LDB2: variants seen among roughly 807,000 people sequenced by gnomAD.
The protein encoded by LDB2 is LIM domain-binding protein 2.
In LDB2, 12 loss-of-function variants were observed where a neutral mutation model predicts 44.3. The ratio of observed to expected loss-of-function variants is 0.27; its 90% CI spans 0.17 to 0.44. The LOEUF (loss-of-function observed/expected upper bound fraction) is 0.44. Among genes scored for constraint, LDB2 ranks in the 20% least tolerant of loss-of-function variants. The pLI is 1.00. For missense variants in LDB2, 344 were observed against 473.5 expected, an observed-to-expected ratio of 0.73 and a Z score of 2.54; for synonymous variants, 164 against 174.8, an observed-to-expected ratio of 0.94 and a Z score of 0.49.
intron 3 of LDB2, among the ~76,000 whole-genome samples, chr4:16,589,590 T>C (rs940259046): frequency 6.6e-6 from 1 of 152,214 alleles, no homozygotes; most frequent in African/African-American, 2.4e-5. Flanking sequence ...TTGATATTCA[T>C]AGCATTTTTA....
At chr4:16,701,250 G>T (rs1190647464) in intron 2 of LDB2, among the ~76,000 whole-genome samples, 1 of 152,172 alleles carries the variant, frequency 6.6e-6, no homozygotes, top group Non-Finnish European at 1.5e-5. Context: ...AGATATCAGT[G>T]CTCAATAGAT....
intron 3 of LDB2, among the ~76,000 whole-genome samples, chr4:16,592,607 C>A (rs958609140): frequency 4.0e-5 from 6 of 150,940 alleles, no homozygotes; most frequent in African/African-American, 1.5e-4. Context: ...ATGTAGTATA[C>A]AGGCTAAGGT....
intron 2 of LDB2, among the ~76,000 whole-genome samples, chr4:16,720,390 C>T (rs1380492228): frequency 1.3e-5 from 2 of 152,144 alleles, no homozygotes; most frequent in Non-Finnish European, 2.9e-5. Flanking sequence ...CCAGCTCGCT[C>T]ATCTCCATTG....
Position 16,609,010 on chromosome 4 carries a change from G to A in LDB2, c.236-13135C>T, listed in dbSNP as rs530420239. Among the ~76,000 whole-genome samples, 23 of 152,290 alleles carry A rather than the reference G, an allele frequency of 1.5e-4. No homozygotes were observed. In the South Asian group the frequency reaches 4.8e-3, roughly 32 times the overall value. On this transcript the variant is annotated intron_variant, in intron 2 of 7. Coordinates refer to ENST00000304523, the MANE Select transcript of LDB2 (RefSeq NM_001290.5). ...TTCGGAGGCTCCCATAGAAAAAACC[G>A]TAATAAGCGAGTGAATCCTTCACTA...
At chr4:16,557,233 G>A (rs951977826) in intron 5 of LDB2, among the ~76,000 whole-genome samples, 3 of 152,180 alleles carry the variant, frequency 2.0e-5, no homozygotes, top group Admixed American at 6.5e-5. Context: ...GCAGAGCACC[G>A]TGCGCAAGCC....
chr4:16,638,356 C>T (rs1049556389), intron 2 of LDB2, among the ~76,000 whole-genome samples: 1 of 152,112 alleles, frequency 6.6e-6, no homozygotes, highest in South Asian at 2.1e-4. Flanking sequence ...GAGCGTTCAC[C>T]GTTCAGTAGC....
intron 1 of LDB2, among the ~76,000 whole-genome samples, chr4:16,879,734 C>G (rs1480038843): frequency 2.6e-5 from 4 of 152,138 alleles, no homozygotes; most frequent in African/African-American, 9.7e-5. Flanking sequence ...GAGTCTAGAG[C>G]TTACAATGAA....
chr4:16,755,125 T>C (rs917346681), intron 2 of LDB2, among the ~76,000 whole-genome samples: 1 of 152,192 alleles, frequency 6.6e-6, no homozygotes, highest in African/African-American at 2.4e-5. Context: ...CTGAGAAGCA[T>C]GTTACTCAAA....
intron 1 of LDB2, among the ~76,000 whole-genome samples, chr4:16,826,922 A>G (rs1783159872): frequency 1.3e-5 from 2 of 152,218 alleles, no homozygotes; most frequent in Non-Finnish European, 2.9e-5. Context: ...CTCGGCGGGT[A>G]ATTTGAGATT....
In LDB2 at chr4:16,895,866, T is replaced by C. The variant is rs573332193; in HGVS notation, c.132+2488A>G. On this transcript the variant is annotated intron_variant, in intron 1 of 7. Transcript: ENST00000304523. ...GTATAGTGTAACTTTACATGAAAAT[T>C]GTTTTTTTCAAGGTACATACATCAT... Among the ~76,000 whole-genome samples the C allele has an allele frequency of 2.8e-4, 42 of 152,310 alleles. No individual in the cohort carries two copies. The Middle Eastern group carries it at 0.01, about 37-fold the overall frequency.
At chr4:16,812,233 C>G (rs1309665078) in intron 1 of LDB2, among the ~76,000 whole-genome samples, 3 of 152,138 alleles carry the variant, frequency 2.0e-5, no homozygotes, top group African/African-American at 2.4e-5. Context: ...TCTGATCTTA[C>G]CACTGTCTCC....
intron 6 of LDB2, among the ~76,000 whole-genome samples, chr4:16,508,989 T>G (rs1041390856): frequency 8.5e-5 from 13 of 152,216 alleles, no homozygotes; most frequent in Non-Finnish European, 1.8e-4. Context: ...AAGTACCACT[T>G]TCATAATTGG....
chr4:16,703,200 TA>T, intron 2 of LDB2, among the ~76,000 whole-genome samples: 1 of 152,096 alleles, frequency 6.6e-6, no homozygotes, highest in Non-Finnish European at 1.5e-5. Flanking sequence ...GATGACCTGG[TA>T]AAAAGTAAGG....
chr4:16,713,594 T>C (rs1412502180), intron 2 of LDB2, among the ~76,000 whole-genome samples: 2 of 152,188 alleles, frequency 1.3e-5, no homozygotes, highest in African/African-American at 4.8e-5. Context: ...GTCTTCATTT[T>C]AAAAGCTTTA....
chr4:16,618,396 G>A (rs769323964), intron 2 of LDB2, among the ~76,000 whole-genome samples: 8 of 152,130 alleles, frequency 5.3e-5, no homozygotes, highest in African/African-American at 1.7e-4. Flanking sequence ...TGCCTTGTTC[G>A]CATTCATGCT....
At chr4:16,609,916 CAG>C (rs1196771896) in intron 2 of LDB2, among the ~76,000 whole-genome samples, 1 of 152,242 alleles carries the variant, frequency 6.6e-6, no homozygotes, top group East Asian at 1.9e-4. Context: ...GATCCTCCAA[CAG>C]GGGTTGTCAG....
chr4:16,675,548 T>C (rs1746058878), intron 2 of LDB2, among the ~76,000 whole-genome samples: 1 of 151,382 alleles, frequency 6.6e-6, no homozygotes, highest in African/African-American at 2.4e-5. Flanking sequence ...GGCAGGGATA[T>C]AGATAATTAT....
At chr4:16,727,971 G>C (rs1292549027) in intron 2 of LDB2, among the ~76,000 whole-genome samples, 1 of 152,188 alleles carries the variant, frequency 6.6e-6, no homozygotes, top group African/African-American at 2.4e-5. Flanking sequence ...CATGGGAGCA[G>C]CCATTTAAAA....
At chr4:16,773,551 T>G (rs1216746844) in intron 1 of LDB2, among the ~76,000 whole-genome samples, 1 of 152,084 alleles carries the variant, frequency 6.6e-6, no homozygotes, top group Non-Finnish European at 1.5e-5. Flanking sequence ...TATGGGAATC[T>G]AATGCCACCA....
Sources: gnomAD v4.1 joint callset for allele counts (sites outside exome capture counted in the v4.1 genomes callset) on GRCh38, gnomAD v4.1.1 for gene constraint, MANE v1.5 for transcripts, NCBI Gene and HGNC (gene_info 2026-07-23, HGNC 2026-07-21) for gene names.